QRSL1: variants seen among roughly 807,000 people sequenced by gnomAD.
QRSL1 encodes the protein glutamyl-tRNA(Gln) amidotransferase subunit A, mitochondrial.
In QRSL1, 54 loss-of-function variants were observed where a neutral mutation model predicts 61.6. The observed-to-expected ratio is 0.88, with a 90% confidence interval of 0.70 to 1.10. QRSL1 has a LOEUF of 1.10. Ranked by LOEUF, QRSL1 falls within the 50% of genes least tolerant of loss-of-function variation. QRSL1 has a pLI of 0.00. For synonymous variants in QRSL1, 228 were observed against 225.7 expected, an observed-to-expected ratio of 1.01 and a Z score of -0.09; for missense variants, 505 against 622.6, an observed-to-expected ratio of 0.81 and a Z score of 2.01.
In QRSL1 at chr6:106,667,901, CA is replaced by C. The variant is rs1285390683; in HGVS notation, c.*1903del. ...TTAGTTGAAGGAGCAAATATGATGT[CA>C]AAAGCAAGTAAATAAACAAACCGTT... is the stretch of plus-strand genomic sequence containing the variant. On this transcript the variant is annotated 3_prime_UTR_variant, in exon 11 of 11. Transcript: ENST00000369046. 1 of 151,464 alleles carries C rather than the reference CA, an allele frequency of 6.6e-6. No individual in the cohort carries two copies. Among genetic ancestry groups the C allele is most frequent in the African/African-American group, 2.4e-5 (1 of 41,142 alleles). 9.4% of individuals were successfully genotyped at this position (151,464 alleles called of 1,614,324 possible). A position where few individuals can be genotyped will look rare whatever the true frequency, so the allele number is the denominator to read the frequency against.
chr6:106,631,181 A>C lies in QRSL1; in HGVS notation c.24+1476A>C, dbSNP rs201171815. On this transcript the variant is annotated intron_variant, in intron 1 of 10. Coordinates refer to ENST00000369046, the MANE Select transcript of QRSL1 (RefSeq NM_018292.5). The stretch of plus-strand genomic sequence containing the variant: ...GCGGAGCTTGCAGTGAGCCAAGATC[A>C]CGCCACTGCACTCCAGCCTGGGCGG... Among the ~76,000 whole-genome samples, 27 of 152,304 alleles carry C rather than the reference A, an allele frequency of 1.8e-4. No homozygotes were observed. The South Asian group carries it at 4.6e-3, about 26-fold the overall frequency.
intron 5 of QRSL1, among the ~76,000 whole-genome samples, chr6:106,650,066 TA>T (rs1206266485): frequency 1.3e-5 from 2 of 152,194 alleles, no homozygotes; most frequent in African/African-American, 4.8e-5. Flanking sequence ...TATTAACAAG[TA>T]AAACCATTTC....
chr6:106,666,009 C>G lies in QRSL1; in HGVS notation c.*7C>G. On this transcript the variant is annotated 3_prime_UTR_variant, in exon 11 of 11. Coordinates refer to ENST00000369046, the MANE Select transcript of QRSL1 (RefSeq NM_018292.5). ...TGTCTCTCTAAAACAGTAAACATAT[C>G]TTACAAATTAAAATGACTTTTAGGC... is the stretch of plus-strand genomic sequence containing the variant. 6.2e-7 allele frequency: 1 copy of G among 1,611,158 alleles called. No homozygotes were observed.
intron 7 of QRSL1, chr6:106,653,817 C>G (rs547625576): frequency 7.0e-6 from 1 of 142,672 alleles, no homozygotes; most frequent in Non-Finnish European, 1.5e-5. Context: ...GAGCAAGACC[C>G]TATCTCAAAA....
At position 106,649,192 on chromosome 6, in the gene QRSL1, C is replaced by T. The variant is rs1260702079; in HGVS notation, c.548C>T (p.Thr183Ile). ...AGTGCAGCTGCTGTATCGGCGTTCACATGCTACGCGTAAGATGCTTTTCTC... is the reference window on the plus strand; with the variant it reads ...AGTGCAGCTGCTGTATCGGCGTTCATATGCTACGCGTAAGATGCTTTTCTC... ...GGSAAAVSAF[T>I]CYAALGSDTG... The change falls in exon 5 of 11, where the codon ACA (threonine) becomes ATA (isoleucine). Residue 183 changes from threonine to isoleucine, a missense_variant. By Grantham distance (89) the Thr-to-Ile change is moderately conservative. Coordinates refer to ENST00000369046, the MANE Select transcript of QRSL1 (RefSeq NM_018292.5). 4 of 1,613,954 alleles carry T rather than the reference C, an allele frequency of 2.5e-6. No homozygotes were observed. The highest frequency in any genetic ancestry group is 2.5e-6 in the Non-Finnish European group (3 of 1,180,004).
intron 9 of QRSL1, among the ~76,000 whole-genome samples, chr6:106,661,761 G>A (rs981812983): frequency 1.6e-5 from 2 of 122,674 alleles, no homozygotes; most frequent in African/African-American, 6.1e-5. Flanking sequence ...CTCCACGCTG[G>A]AGTGCAATGG....
intron 4 of QRSL1, among the ~76,000 whole-genome samples, chr6:106,645,429 C>CT (rs770177768): frequency 0.024 from 3,493 of 145,764 alleles, 65 homozygotes; most frequent in Non-Finnish European, 0.034. Flanking sequence ...TGTTTCTTTT[C>CT]TTTTTTTTTT....
intron 1 of QRSL1, among the ~76,000 whole-genome samples, chr6:106,632,655 T>C (rs1443572766): frequency 6.6e-6 from 1 of 152,250 alleles, no homozygotes; most frequent in Non-Finnish European, 1.5e-5. Flanking sequence ...CTATTTTAAC[T>C]GGAGTGAGAT....
chr6:106,649,341 A>T (rs959972487), intron 5 of QRSL1, 140 bp downstream of exon 5: 4 of 789,624 alleles, frequency 5.1e-6, no homozygotes, highest in African/African-American at 1.7e-5. Flanking sequence ...TATCAAAATT[A>T]TATCTTGAGT....
intron 9 of QRSL1, among the ~76,000 whole-genome samples, chr6:106,659,829 C>T (rs1045496823): frequency 1.3e-5 from 2 of 152,174 alleles, no homozygotes; most frequent in African/African-American, 4.8e-5. Flanking sequence ...TTGAGTCTTT[C>T]GCTTTGGCTG....
intron 1 of QRSL1, among the ~76,000 whole-genome samples, chr6:106,634,006 A>G (rs1211152961): frequency 6.6e-6 from 1 of 152,110 alleles, no homozygotes; most frequent in Non-Finnish European, 1.5e-5. Flanking sequence ...ATGGAGAAAA[A>G]TTAAGTAGAT....
At chr6:106,635,236 A>G (rs1776901363) in intron 1 of QRSL1, among the ~76,000 whole-genome samples, 1 of 152,196 alleles carries the variant, frequency 6.6e-6, no homozygotes, top group African/African-American at 2.4e-5. Flanking sequence ...GGTCAACAAT[A>G]GGAAGTAAAG....
rs1213839252 is a variant in QRSL1 at position 106,649,118 on chromosome 6, C to T, written c.474C>T (p.Ser158=). The T allele has an allele frequency of 7.4e-6, 12 of 1,614,016 alleles. No individual in the cohort carries two copies. The highest frequency in any genetic ancestry group is 4.5e-5 in the East Asian group (2 of 44,892). ...YREKRKQNPH[S]ENEDSDWLIT... ...AAAAGAGGAAGCAGAATCCCCACAG[C>T]GAGAATGAAGATTCAGACTGGCTGA... is the stretch of plus-strand genomic sequence containing the variant. Residue 158 remains serine, a synonymous_variant, in exon 5 of 11, where the codon AGC becomes AGT. Coordinates refer to ENST00000369046, the MANE Select transcript of QRSL1 (RefSeq NM_018292.5).
intron 1 of QRSL1, among the ~76,000 whole-genome samples, chr6:106,637,112 C>T (rs1207360339): frequency 6.6e-6 from 1 of 152,144 alleles, no homozygotes; most frequent in African/African-American, 2.4e-5. Flanking sequence ...CTCTCGACCT[C>T]GTTGGTTTCT....
chr6:106,645,653 C>T (rs1407061635), intron 4 of QRSL1, among the ~76,000 whole-genome samples: 1 of 152,180 alleles, frequency 6.6e-6, no homozygotes, highest in Non-Finnish European at 1.5e-5. Context: ...AAACTCCTGA[C>T]CTTGTGATCC....
chr6:106,665,913 T>C lies in QRSL1; in HGVS notation c.1498T>C (p.Phe500Leu). ...CAAATGGTTTGAAAAACAAGTACAGTTTCCTGTTATTCAACTTCAAGAACT... is the reference window on the plus strand; with the variant it reads ...CAAATGGTTTGAAAAACAAGTACAGCTTCCTGTTATTCAACTTCAAGAACT... ...VAKWFEKQVQ[F>L]PVIQLQELMD... The change falls in exon 11 of 11, where the codon TTT becomes CTT. Residue 500 changes from phenylalanine (F) to leucine (L), a missense_variant. Phe to Leu is a conservative substitution (Grantham distance 22). Coordinates refer to ENST00000369046, the MANE Select transcript of QRSL1 (RefSeq NM_018292.5). 1 of 1,613,968 alleles carries C rather than the reference T, an allele frequency of 6.2e-7. No homozygotes were observed. Among genetic ancestry groups the C allele is most frequent in the Non-Finnish European group, 8.5e-7 (1 of 1,179,850 alleles).
intron 10 of QRSL1, among the ~76,000 whole-genome samples, chr6:106,663,409 C>T (rs1248921239): frequency 6.6e-6 from 1 of 152,160 alleles, no homozygotes; most frequent in African/African-American, 2.4e-5. Flanking sequence ...TTAATTGGCT[C>T]ACAGTTCTGC....
intron 1 of QRSL1, among the ~76,000 whole-genome samples, chr6:106,632,944 T>G (rs567936940): frequency 2.0e-5 from 3 of 152,316 alleles, no homozygotes; most frequent in African/African-American, 4.8e-5. Context: ...TTGGCTCCAT[T>G]TGTCAGGATT....
At chr6:106,647,648 A>ATTT (rs1336556151) in intron 4 of QRSL1, among the ~76,000 whole-genome samples, 5 of 64,348 alleles carry the variant, frequency 7.8e-5, no homozygotes, top group South Asian at 5.4e-4. Flanking sequence ...GCCATAAAGT[A>ATTT]CTTTTTTTTT....
Sources: allele counts gnomAD v4.1 joint callset (sites outside exome capture counted in the v4.1 genomes callset), GRCh38; gene constraint gnomAD v4.1.1; transcripts MANE v1.5; gene names NCBI Gene and HGNC (gene_info 2026-07-23, HGNC 2026-07-21).